Variants in PDE8A observed in about 807,000 individuals in gnomAD.
PDE8A encodes the protein high affinity cAMP-specific and IBMX-insensitive 3',5'-cyclic phosphodiesterase 8A.
A neutral mutation model predicts 105.0 loss-of-function variants in PDE8A; 59 were observed. The ratio of observed to expected loss-of-function variants is 0.56; its 90% CI spans 0.46 to 0.70. PDE8A has a LOEUF of 0.70. Among genes scored for constraint, PDE8A ranks in the 30% least tolerant of loss-of-function variants. The probability of loss-of-function intolerance (pLI) is 0.00; values close to 1 mark genes in which losing one functional copy is unlikely to be tolerated. For missense variants in PDE8A, 1,014 were observed against 1,045.9 expected (o/e 0.97, Z 0.42); for synonymous variants, 355 against 371.9 (o/e 0.95, Z 0.52).
chr15:85,084,857 C>T (rs1327099811), intron 6 of PDE8A, among the ~76,000 whole-genome samples: 1 of 152,192 alleles, frequency 6.6e-6, no homozygotes, highest in Non-Finnish European at 1.5e-5. Context: ...ACTAAAACCC[C>T]TGTCTCTTCT....
At chr15:85,056,325 C>T (rs998293463) in intron 1 of PDE8A, among the ~76,000 whole-genome samples, 1 of 152,124 alleles carries the variant, frequency 6.6e-6, no homozygotes, top group African/African-American at 2.4e-5. Flanking sequence ...TTGTGGCGTT[C>T]TCTGTATTTC....
At chr15:85,086,306 A>C (rs2081551816) in intron 6 of PDE8A, among the ~76,000 whole-genome samples, 1 of 152,240 alleles carries the variant, frequency 6.6e-6, no homozygotes, top group African/African-American at 2.4e-5. Flanking sequence ...ACATTTTATA[A>C]AGGAAGATAA....
chr15:85,012,751 G>A (rs1337796893), intron 1 of PDE8A, among the ~76,000 whole-genome samples: 1 of 151,878 alleles, frequency 6.6e-6, no homozygotes, highest in African/African-American at 2.4e-5. Flanking sequence ...ATACAGTATT[G>A]TTAGACTCCG....
intron 1 of PDE8A, among the ~76,000 whole-genome samples, chr15:85,028,865 A>G (rs2080563700): frequency 6.6e-6 from 1 of 152,108 alleles, no homozygotes; most frequent in Non-Finnish European, 1.5e-5. Context: ...CACTGTGTCT[A>G]ACTCACTTTT....
rs762895732 is a variant in PDE8A at position 84,982,264 on chromosome 15, G to T, written c.102G>T (p.Pro34=). 3.4e-6 allele frequency: 5 copies of T among 1,451,274 alleles called. No individual in the cohort carries two copies. The highest frequency in any genetic ancestry group is 2.3e-4 in the Middle Eastern group (1 of 4,412). The allele number at this position is 1,451,274 out of a possible 1,614,324, so 89.9% of individuals were successfully genotyped here. A position where few individuals can be genotyped will look rare whatever the true frequency, so the allele number is the denominator to read the frequency against. ...PPLSSGGPRL[P]QGQKTAALPR... is the part of the protein sequence containing the mutation. ...TGTCGTCCGGCGGGCCGCGCCTCCC[G>T]CAGGGCCAGAAGACGGCCGCCTTGC... The change falls in exon 1 of 22, where the codon CCG becomes CCT. Residue 34 remains proline, a synonymous_variant. Transcript: ENST00000394553.
intron 1 of PDE8A, among the ~76,000 whole-genome samples, chr15:85,003,518 T>A (rs1198137306): frequency 6.6e-6 from 1 of 152,190 alleles, no homozygotes; most frequent in Non-Finnish European, 1.5e-5. Flanking sequence ...GTGAGGGTAC[T>A]GATCAGAACA....
At chr15:85,096,281 C>T (rs561261296) in intron 8 of PDE8A, among the ~76,000 whole-genome samples, 2 of 152,074 alleles carry the variant, frequency 1.3e-5, no homozygotes, top group South Asian at 4.2e-4. Flanking sequence ...CTATGCCATA[C>T]AAGTCACCCA....
intron 15 of PDE8A, 142 bp downstream of exon 15, chr15:85,115,629 C>T (rs1055369284): frequency 1.6e-5 from 9 of 567,766 alleles, no homozygotes; most frequent in African/African-American, 7.8e-5. Context: ...GTCCCTGAGG[C>T]GGTACTGTCC....
At chr15:85,083,462 G>T (rs902594326) in intron 5 of PDE8A, 94 bp from the exon 6 acceptor site, 4 of 710,590 alleles carry the variant, frequency 5.6e-6, no homozygotes, top group Non-Finnish European at 1.0e-5. Flanking sequence ...GATTTCAGTT[G>T]CCAAGTTGAG....
At chr15:85,090,394 T>A (rs1007169283) in intron 7 of PDE8A, among the ~76,000 whole-genome samples, 1 of 152,232 alleles carries the variant, frequency 6.6e-6, no homozygotes, top group East Asian at 1.9e-4. Context: ...TATCAATTAT[T>A]GTTTTATCAT....
At chr15:85,040,560 G>GTT (rs1449929448) in intron 1 of PDE8A, among the ~76,000 whole-genome samples, 12 of 102,860 alleles carry the variant, frequency 1.2e-4, no homozygotes, top group Admixed American at 5.1e-4. Context: ...ATGTGCTTAT[G>GTT]TATTTTTTTT....
At chr15:85,054,689 AT>A (rs2081032163) in intron 1 of PDE8A, among the ~76,000 whole-genome samples, 1 of 151,938 alleles carries the variant, frequency 6.6e-6, no homozygotes, top group South Asian at 2.1e-4. Flanking sequence ...TATTGTGTCT[AT>A]TTGATTCTTC....
intron 1 of PDE8A, among the ~76,000 whole-genome samples, chr15:85,037,995 A>G (rs1409784113): frequency 2.6e-5 from 4 of 152,236 alleles, no homozygotes; most frequent in African/African-American, 9.6e-5. Flanking sequence ...TACTCTTGAA[A>G]TAGAAGATAC....
intron 13 of PDE8A, among the ~76,000 whole-genome samples, 189 bp downstream of exon 13, chr15:85,113,636 T>G (rs1214087204): frequency 6.6e-6 from 1 of 152,198 alleles, no homozygotes; most frequent in Non-Finnish European, 1.5e-5. Flanking sequence ...AAGTTAGTAT[T>G]AAGTACTATG....
intron 1 of PDE8A, among the ~76,000 whole-genome samples, chr15:84,984,048 T>C (rs2079763881): frequency 6.6e-6 from 1 of 152,244 alleles, no homozygotes; most frequent in African/African-American, 2.4e-5. Context: ...GGCATACACA[T>C]AGTAGGTACT....
chr15:85,043,680 T>TG (rs1474997151), intron 1 of PDE8A, among the ~76,000 whole-genome samples: 3 of 150,122 alleles, frequency 2.0e-5, no homozygotes, highest in African/African-American at 7.4e-5. Context: ...ATTAATGGTT[T>TG]TTTGTTTGTT....
chr15:85,031,766 T>C (rs932455086), intron 1 of PDE8A, among the ~76,000 whole-genome samples: 1 of 152,138 alleles, frequency 6.6e-6, no homozygotes, highest in African/African-American at 2.4e-5. Flanking sequence ...TTACATGCTG[T>C]TATTGGTGGT....
chr15:85,010,351 A>G (rs1055563577), intron 1 of PDE8A, among the ~76,000 whole-genome samples: 1 of 152,222 alleles, frequency 6.6e-6, no homozygotes, highest in Non-Finnish European at 1.5e-5. Flanking sequence ...TTCTGGTCTT[A>G]GGGACTTAGC....
intron 7 of PDE8A, among the ~76,000 whole-genome samples, chr15:85,090,379 G>C (rs765412561): frequency 5.3e-5 from 8 of 152,192 alleles, no homozygotes; most frequent in Non-Finnish European, 1.2e-4. Context: ...GACCCTGACA[G>C]ATAGTATCAA....
Sources: gnomAD v4.1 joint callset for allele counts (sites outside exome capture counted in the v4.1 genomes callset) on GRCh38, gnomAD v4.1.1 for gene constraint, MANE v1.5 for transcripts, NCBI Gene and HGNC (gene_info 2026-07-23, HGNC 2026-07-21) for gene names.